PRMT9: variants seen among roughly 807,000 people sequenced by gnomAD.
The protein encoded by PRMT9 is protein arginine methyltransferase 9.
PRMT9 carries 59 observed loss-of-function variants against 83.2 expected under a neutral mutation model. The observed-to-expected ratio is 0.71, with a 90% CI of 0.57 to 0.88. The LOEUF (loss-of-function observed/expected upper bound fraction) is 0.88. Among genes scored for constraint, PRMT9 ranks in the 40% least tolerant of loss-of-function variants. The probability of loss-of-function intolerance (pLI) is 0.00; values close to 1 mark genes in which losing one functional copy is unlikely to be tolerated. For missense variants in PRMT9, 947 were observed against 1,021.9 expected (o/e 0.93, Z 1.00); for synonymous variants, 333 against 353.2 (o/e 0.94, Z 0.64).
intron 9 of PRMT9, among the ~76,000 whole-genome samples, chr4:147,650,575 G>C (rs1734026567): frequency 6.6e-6 from 1 of 152,118 alleles, no homozygotes. Context: ...TTCATGGATG[G>C]GAACACCTGC....
chr4:147,651,576 T>C (rs527322250), intron 9 of PRMT9, among the ~76,000 whole-genome samples: 10 of 152,328 alleles, frequency 6.6e-5, no homozygotes, highest in Non-Finnish European at 1.3e-4. Flanking sequence ...AAGACTTGAA[T>C]AGATATTTCT....
intron 2 of PRMT9, among the ~76,000 whole-genome samples, chr4:147,678,293 G>A (rs1736231539): frequency 6.6e-6 from 1 of 152,142 alleles, no homozygotes; most frequent in African/African-American, 2.4e-5. Context: ...GGAAATGCAT[G>A]AAAATACCTA....
Position 147,638,511 on chromosome 4 carries a change from T to C in PRMT9, c.*21A>G. ...ACTTGTTGATGCTCTATTTACACAG[T>C]TTTCATTGGAAAACTGCTCTTCATT... On this transcript the variant is annotated 3_prime_UTR_variant, in exon 12 of 12. Transcript: ENST00000322396. The C allele has an allele frequency of 6.3e-7, 1 of 1,593,050 alleles. No individual in the cohort carries two copies. The highest frequency in any genetic ancestry group is 1.3e-5 in the African/African-American group (1 of 74,580).
Position 147,673,714 on chromosome 4 carries a change from T to C in PRMT9, c.499A>G (p.Asn167Asp), listed in dbSNP as rs866825590. The change falls in exon 3 of 12, where the codon AAT becomes GAT. Residue 167 changes from asparagine to aspartate, a missense_variant. Transcript: ENST00000322396. ...CAAACTGCCTTTTGGATTGCTGCAT[T>C]ATAAATTGTATTCCTCTTGGTGTCA... ...LNDTKRNTIY[N>D]AAIQKAVCLG... 9 of 1,614,162 alleles carry C rather than the reference T, an allele frequency of 5.6e-6. No individual in the cohort carries two copies. The Middle Eastern group carries it at 1.5e-3, about 266-fold the overall frequency.
intron 9 of PRMT9, among the ~76,000 whole-genome samples, chr4:147,644,432 C>T (rs1733604412): frequency 7.0e-6 from 1 of 142,640 alleles, no homozygotes. Flanking sequence ...CAAGGGTTAA[C>T]AAAATCCTTT....
intron 1 of PRMT9, among the ~76,000 whole-genome samples, chr4:147,682,643 AAG>A (rs1736564676): frequency 6.6e-6 from 1 of 152,236 alleles, no homozygotes; most frequent in Admixed American, 6.5e-5. Context: ...AAACATTTTT[AAG>A]AGAGGCTGCG....
At position 147,638,513 on chromosome 4, in the gene PRMT9, T is replaced by G. The variant is rs1371939827; in HGVS notation, c.*19A>C. ...TTGTTGATGCTCTATTTACACAGTT[T>G]TCATTGGAAAACTGCTCTTCATTGC... On this transcript the variant is annotated 3_prime_UTR_variant, in exon 12 of 12. Transcript: ENST00000322396. 26 of 1,597,318 alleles carry G rather than the reference T, an allele frequency of 1.6e-5. No homozygotes were observed. Among genetic ancestry groups the G allele is most frequent in the Non-Finnish European group, 2.1e-5 (25 of 1,165,224 alleles).
chr4:147,658,992 A>C (rs1734732707), intron 7 of PRMT9, among the ~76,000 whole-genome samples: 1 of 152,146 alleles, frequency 6.6e-6, no homozygotes, highest in African/African-American at 2.4e-5. Context: ...ATCCTGGCTA[A>C]CACGGTGAAA....
chr4:147,639,163 T>C, intron 10 of PRMT9, 81 bp from the exon 11 acceptor site: 2 of 1,455,230 alleles, frequency 1.4e-6, no homozygotes, highest in Non-Finnish European at 1.9e-6. Context: ...CACATTCCTT[T>C]TGTGGTCAGG....
intron 1 of PRMT9, among the ~76,000 whole-genome samples, chr4:147,681,536 C>T (rs796552063): frequency 2.0e-5 from 3 of 152,300 alleles, no homozygotes; most frequent in African/African-American, 7.2e-5. Flanking sequence ...CCTGTAATCC[C>T]AGCCCTTTGG....
intron 6 of PRMT9, 198 bp from the exon 7 acceptor site, chr4:147,661,236 A>G (rs1734928004): frequency 2.1e-6 from 1 of 470,390 alleles, no homozygotes; most frequent in East Asian, 3.2e-5. Flanking sequence ...ATAGGTCTAT[A>G]ATAAAATTAA....
At chr4:147,680,908 T>A (rs1166099426) in intron 1 of PRMT9, among the ~76,000 whole-genome samples, 1 of 152,266 alleles carries the variant, frequency 6.6e-6, no homozygotes, top group Non-Finnish European at 1.5e-5. Flanking sequence ...GACTCATAGA[T>A]ACAGCTTCCT....
rs1458083661 is a variant in PRMT9 at position 147,668,543 on chromosome 4, G to A, written c.949C>T (p.His317Tyr). 2 of 1,560,038 alleles carry A rather than the reference G, an allele frequency of 1.3e-6. No homozygotes were observed. Among genetic ancestry groups the A allele is most frequent in the Admixed American group, 3.3e-5 (2 of 59,950 alleles). Residue 317 changes from histidine to tyrosine, a missense_variant, in exon 6 of 12, where the codon CAT (histidine) becomes TAT (tyrosine). His to Tyr is a moderately conservative substitution (Grantham distance 83). Coordinates refer to ENST00000322396, the MANE Select transcript of PRMT9 (RefSeq NM_138364.4). Reference sequence around the variant, plus strand: ...AAAATGGACTAATACACTTACCTATGATGTCTTCTTATCTCTGCACATTCT... The same window carrying A: ...AAAATGGACTAATACACTTACCTATAATGTCTTCTTATCTCTGCACATTCT... ...AVECAEIRRH[H>Y]RVGIKDIAGI...
intron 5 of PRMT9, among the ~76,000 whole-genome samples, chr4:147,669,110 C>T (rs1238272445): frequency 6.6e-6 from 1 of 151,842 alleles, no homozygotes; most frequent in African/African-American, 2.4e-5. Flanking sequence ...TATTTTTGGC[C>T]AGGCCTGGCA....
At chr4:147,671,755 G>A in intron 4 of PRMT9, 2 of 430,702 alleles carry the variant, frequency 4.6e-6, no homozygotes, top group Non-Finnish European at 9.2e-6. Flanking sequence ...CATAGCTCCT[G>A]GTTCAAAACC....
intron 9 of PRMT9, among the ~76,000 whole-genome samples, chr4:147,651,824 G>A (rs926692442): frequency 6.6e-6 from 1 of 152,192 alleles, no homozygotes; most frequent in Non-Finnish European, 1.5e-5. Flanking sequence ...ACCCAGGGTG[G>A]GAGGGGAGTA....
At position 147,660,998 on chromosome 4, in the gene PRMT9, T is replaced by G; in HGVS notation, c.994A>C (p.Asn332His). ...KDIAGIHLPT[N>H]VKFQSPAYSS... is the part of the protein sequence containing the mutation. ...TAAGCCGGACTCTGAAATTTCACAT[T>G]TGTTGGCAAATGGATACCAGCAATG... Residue 332 changes from asparagine to histidine, a missense_variant, in exon 7 of 12, where the codon AAT becomes CAT. By Grantham distance (68) the Asn-to-His change is moderately conservative (BLOSUM62 1). Transcript: ENST00000322396. The G allele has an allele frequency of 6.2e-7, 1 of 1,613,350 alleles. No individual in the cohort carries two copies. Among genetic ancestry groups the G allele is most frequent in the Non-Finnish European group, 8.5e-7 (1 of 1,179,394 alleles).
chr4:147,677,280 G>A (rs1469240801), intron 2 of PRMT9, among the ~76,000 whole-genome samples: 1 of 151,404 alleles, frequency 6.6e-6, no homozygotes, highest in Non-Finnish European at 1.5e-5. Flanking sequence ...AGTTTCTATG[G>A]AGAGTACACA....
intron 1 of PRMT9, among the ~76,000 whole-genome samples, chr4:147,681,740 T>C (rs1324025254): frequency 6.7e-6 from 1 of 150,134 alleles, no homozygotes; most frequent in African/African-American, 2.5e-5. Context: ...TGAACCGAGA[T>C]CGCACCACTG....
Sources: gnomAD v4.1 joint callset for allele counts (sites outside exome capture counted in the v4.1 genomes callset) on GRCh38, gnomAD v4.1.1 for gene constraint, MANE v1.5 for transcripts, NCBI Gene and HGNC (gene_info 2026-07-23, HGNC 2026-07-21) for gene names.